NINL: variants seen among roughly 807,000 people sequenced by gnomAD.
The protein encoded by NINL is ninein-like protein.
Under a neutral mutation model 160.3 loss-of-function variants are expected in NINL, and 153 were observed. That is an observed-to-expected ratio of 0.95 (90% confidence interval 0.84 to 1.09). The LOEUF (loss-of-function observed/expected upper bound fraction) is 1.09, where lower values mean the gene tolerates loss of function less well. Ranked by LOEUF, NINL falls within the 50% of genes least tolerant of loss-of-function variation. The pLI is 0.00. For synonymous variants in NINL, 800 were observed against 734.8 expected, an observed-to-expected ratio of 1.09 and a Z score of -1.43; for missense variants, 1,829 against 1,764.0, an observed-to-expected ratio of 1.04 and a Z score of -0.66.
intron 5 of NINL, among the ~76,000 whole-genome samples, chr20:25,505,607 T>C (rs779637436): frequency 5.9e-5 from 9 of 152,174 alleles, no homozygotes; most frequent in Non-Finnish European, 1.2e-4. Flanking sequence ...CACACCTCAA[T>C]AAGGCTGGGG....
chr20:25,495,925 T>C (rs964226484), intron 10 of NINL, among the ~76,000 whole-genome samples: 4 of 152,096 alleles, frequency 2.6e-5, no homozygotes, highest in Non-Finnish European at 5.9e-5. Flanking sequence ...TGGGGGTGGA[T>C]TACTTGAAGT....
intron 1 of NINL, among the ~76,000 whole-genome samples, chr20:25,557,974 C>CT (rs1412610364): frequency 6.8e-5 from 9 of 132,742 alleles, no homozygotes; most frequent in African/African-American, 8.4e-5. Context: ...ACTAAAAATA[C>CT]AAAAAAAAAA....
At chr20:25,473,225 G>A (rs973056138) in intron 17 of NINL, among the ~76,000 whole-genome samples, 5 of 152,104 alleles carry the variant, frequency 3.3e-5, no homozygotes, top group Non-Finnish European at 5.9e-5. Flanking sequence ...TGTTCTGGGC[G>A]CTGGTAACAC....
chr20:25,513,187 T>C (rs1464847156), intron 3 of NINL, among the ~76,000 whole-genome samples, 181 bp from the exon 4 acceptor site: 1 of 152,160 alleles, frequency 6.6e-6, no homozygotes, highest in Non-Finnish European at 1.5e-5. Context: ...GGCAATTCTA[T>C]GACCTTGGGT....
At chr20:25,550,569 AGGGTAAT>A (rs1302360059) in intron 1 of NINL, among the ~76,000 whole-genome samples, 1 of 152,126 alleles carries the variant, frequency 6.6e-6, no homozygotes, top group African/African-American at 2.4e-5. Context: ...GCAGGACTAT[AGGGTAAT>A]GGCAGGGAGA....
chr20:25,467,727 C>T (rs1366871145), intron 18 of NINL, among the ~76,000 whole-genome samples: 2 of 152,048 alleles, frequency 1.3e-5, no homozygotes, highest in African/African-American at 4.8e-5. Context: ...TAGTAATCTA[C>T]ACTGCCAGCA....
chr20:25,453,184 G>A lies in NINL; in HGVS notation c.*267C>T. On this transcript the variant is annotated 3_prime_UTR_variant, in exon 24 of 24. Transcript: ENST00000278886. ...TGACAGCTCCCAGGATCTGGCTCCA[G>A]AGAGTGGCAAAACTGGGAATTTTGC... 1 of 338,888 alleles carries A rather than the reference G, an allele frequency of 3.0e-6. No homozygotes were observed. The highest frequency in any genetic ancestry group is 5.3e-6 in the Non-Finnish European group (1 of 187,648). 21.0% of individuals were successfully genotyped at this position (338,888 alleles called of 1,614,324 possible). A position where few individuals can be genotyped will look rare whatever the true frequency, so the allele number is the denominator to read the frequency against.
rs574680746 is a variant in NINL at position 25,583,788 on chromosome 20, G to A, written c.-12+1667C>T. On this transcript the variant is annotated intron_variant, in intron 1 of 23. Coordinates refer to ENST00000278886, the MANE Select transcript of NINL (RefSeq NM_025176.6). Reference sequence around the variant, plus strand: ...GTACAGATACACCATGGAATACTACGTAGCCATAAAAAAGAATGAGTTCAT... The same window carrying A: ...GTACAGATACACCATGGAATACTACATAGCCATAAAAAAGAATGAGTTCAT... Among the ~76,000 whole-genome samples, 139 of 152,256 alleles carry A rather than the reference G, an allele frequency of 9.1e-4. 1 individual carries two copies. Among genetic ancestry groups the A allele is most frequent in the Non-Finnish European group, 1.5e-3 (102 of 68,018 alleles).
chr20:25,500,328 C>G (rs921143679), intron 8 of NINL, among the ~76,000 whole-genome samples: 1 of 152,220 alleles, frequency 6.6e-6, no homozygotes, highest in Non-Finnish European at 1.5e-5. Flanking sequence ...GCAGCCCCAG[C>G]AGAACACGGA....
chr20:25,486,266 G>A (rs1456099970), intron 13 of NINL, among the ~76,000 whole-genome samples: 1 of 152,152 alleles, frequency 6.6e-6, no homozygotes, highest in Non-Finnish European at 1.5e-5. Context: ...AAAAAGGAAA[G>A]GGGAAATATC....
At position 25,517,852 on chromosome 20, in the gene NINL, G is replaced by T. The variant is rs2064188705; in HGVS notation, c.181-3C>A. Reference sequence around the variant, plus strand: ...TCCTTAAATTCCTCAAAGTTAACCTGGGTGAATTGAAGGTGAGAGAGGACA... The same window carrying T: ...TCCTTAAATTCCTCAAAGTTAACCTTGGTGAATTGAAGGTGAGAGAGGACA... On this transcript the variant is annotated splice_polypyrimidine_tract_variant and splice_region_variant and intron_variant, in intron 2 of 23. Transcript: ENST00000278886. 1.9e-6 allele frequency: 3 copies of T among 1,590,978 alleles called. No individual in the cohort carries two copies. Among genetic ancestry groups the T allele is most frequent in the Non-Finnish European group, 2.6e-6 (3 of 1,170,848 alleles).
Position 25,500,948 on chromosome 20 carries a change from G to A in NINL, c.924C>T (p.Ser308=). 6.2e-7 allele frequency: 1 copy of A among 1,614,228 alleles called. No homozygotes were observed. Among genetic ancestry groups the A allele is most frequent in the Non-Finnish European group, 8.5e-7 (1 of 1,180,038 alleles). Residue 308 remains serine (S), a synonymous_variant, in exon 8 of 24, where the codon AGC becomes AGT. Coordinates refer to ENST00000278886, the MANE Select transcript of NINL (RefSeq NM_025176.6). ...TTSSLVSLCS[S]LRLFSSIDDG... ...CGTCAATGCTGGAGAAGAGGCGCAG[G>A]CTGGAGCACAGGGACACGAGGGATG...
chr20:25,545,202 A>T (rs2064717416), intron 1 of NINL, among the ~76,000 whole-genome samples: 1 of 152,222 alleles, frequency 6.6e-6, no homozygotes, highest in African/African-American at 2.4e-5. Context: ...ATGGGCCTTG[A>T]GCTGGTGCCC....
At chr20:25,470,973 C>A (rs1021444914) in intron 17 of NINL, among the ~76,000 whole-genome samples, 3 of 152,172 alleles carry the variant, frequency 2.0e-5, no homozygotes, top group Non-Finnish European at 4.4e-5. Flanking sequence ...TTTTTTCAGT[C>A]TGAAAATACT....
chr20:25,579,811 C>T (rs954647244), intron 1 of NINL, among the ~76,000 whole-genome samples: 14 of 152,186 alleles, frequency 9.2e-5, no homozygotes, highest in African/African-American at 3.1e-4. Flanking sequence ...CTGAGGTCTT[C>T]GGTGAACTCC....
intron 6 of NINL, 142 bp downstream of exon 6, chr20:25,504,746 T>G (rs577308284): frequency 1.0e-5 from 9 of 893,424 alleles, no homozygotes; most frequent in East Asian, 8.0e-5. Context: ...TTGGCAGAAA[T>G]GCCAAGAGCC....
chr20:25,515,544 T>C (rs776328740), intron 3 of NINL, among the ~76,000 whole-genome samples: 8 of 152,136 alleles, frequency 5.3e-5, no homozygotes, highest in Non-Finnish European at 1.0e-4. Flanking sequence ...TGTTTTGAAA[T>C]GTGAGAAGGA....
chr20:25,500,715 C>T, intron 8 of NINL, 125 bp downstream of exon 8: 1 of 887,532 alleles, frequency 1.1e-6, no homozygotes, highest in Non-Finnish European at 1.7e-6. Flanking sequence ...CCTTGCATGG[C>T]ATTCTCTGCA....
At chr20:25,515,965 C>T (rs566731891) in intron 3 of NINL, among the ~76,000 whole-genome samples, 18 of 152,008 alleles carry the variant, frequency 1.2e-4, no homozygotes, top group African/African-American at 3.1e-4. Flanking sequence ...TTAGTAGAGA[C>T]GGGGTTTCAC....
Sources: gnomAD v4.1 joint callset for allele counts (sites outside exome capture counted in the v4.1 genomes callset) on GRCh38, gnomAD v4.1.1 for gene constraint, MANE v1.5 for transcripts, NCBI Gene and HGNC (gene_info 2026-07-23, HGNC 2026-07-21) for gene names.